The following HERC3 variants were observed in gnomAD, a reference collection of about 807,000 sequenced individuals.
HERC3 encodes HECT and RLD domain containing E3 ubiquitin protein ligase 3, also known as probable E3 ubiquitin-protein ligase HERC3.
A neutral mutation model predicts 129.9 loss-of-function variants in HERC3; 58 were observed. That is an observed-to-expected ratio of 0.45 (90% confidence interval 0.36 to 0.56). HERC3 has a LOEUF of 0.56. HERC3 is among the 20% of genes least tolerant of loss of function. HERC3 has a pLI of 0.00. For missense variants in HERC3, 835 were observed against 1,244.2 expected, an observed-to-expected ratio of 0.67 and a Z score of 4.95; for synonymous variants, 430 against 451.0, an observed-to-expected ratio of 0.95 and a Z score of 0.59.
intron 3 of HERC3, among the ~76,000 whole-genome samples, chr4:88,646,047 G>A (rs1373776740): frequency 6.6e-6 from 1 of 152,182 alleles, no homozygotes. Flanking sequence ...ATATAGCTTA[G>A]TTAAGTATAA....
intron 19 of HERC3, 31 bp from the exon 20 acceptor site, chr4:88,680,062 G>A (rs368207908): frequency 2.0e-5 from 31 of 1,575,802 alleles, no homozygotes; most frequent in East Asian, 6.8e-5. Context: ...TAGATTTCCC[G>A]GAAGCATTAA....
intron 23 of HERC3, among the ~76,000 whole-genome samples, chr4:88,692,688 G>A (rs1235639600): frequency 1.3e-5 from 2 of 152,192 alleles, no homozygotes; most frequent in Non-Finnish European, 2.9e-5. Context: ...TATTTTACAT[G>A]TAAGACTCCC....
intron 2 of HERC3, among the ~76,000 whole-genome samples, chr4:88,600,646 T>C (rs1037819169): frequency 1.3e-5 from 2 of 152,238 alleles, no homozygotes; most frequent in African/African-American, 2.4e-5. Context: ...CCATTGTATC[T>C]ATAGCTTCAT....
At chr4:88,622,219 A>T (rs770044124) in intron 3 of HERC3, among the ~76,000 whole-genome samples, 1 of 152,232 alleles carries the variant, frequency 6.6e-6, no homozygotes, top group Non-Finnish European at 1.5e-5. Context: ...TGAACATTTC[A>T]TGTAAATGAG....
the HERC3 span, among the ~76,000 whole-genome samples, chr4:88,534,924 A>T: frequency 6.6e-5 from 10 of 152,190 alleles, no homozygotes; most frequent in Admixed American, 2.0e-4. Flanking sequence ...ATTTTTTTGT[A>T]TTCAGATGAA....
chr4:88,644,432 G>C (rs1728474487), intron 3 of HERC3, among the ~76,000 whole-genome samples: 1 of 152,092 alleles, frequency 6.6e-6, no homozygotes, highest in Admixed American at 6.6e-5. Context: ...ACCAATAAAA[G>C]GAACAAACTG....
chr4:88,704,743 T>C (rs1009996161), intron 25 of HERC3, 133 bp downstream of exon 25: 2 of 629,648 alleles, frequency 3.2e-6, no homozygotes, highest in Non-Finnish European at 5.7e-6. Context: ...TATGTATGCT[T>C]TTTGTCTTAA....
At chr4:88,582,132 C>A in the HERC3 span, among the ~76,000 whole-genome samples, 1 of 152,094 alleles carries the variant, frequency 6.6e-6, no homozygotes, top group African/African-American at 2.4e-5. Context: ...GAATCTATCC[C>A]CTAAGCAATT....
At chr4:88,606,360 T>C (rs10018705) in intron 3 of HERC3, among the ~76,000 whole-genome samples, 7,911 of 152,020 alleles carry the variant, frequency 0.052, 557 homozygotes, top group East Asian at 0.27. Context: ...CAGGCAATTT[T>C]CATGCCTCAG....
chr4:88,675,275 T>G (rs561656063), intron 16 of HERC3, among the ~76,000 whole-genome samples: 1 of 152,354 alleles, frequency 6.6e-6, no homozygotes, highest in Non-Finnish European at 1.5e-5. Flanking sequence ...TAGGTGCAGA[T>G]GGAGCATCCA....
At chr4:88,566,642 T>C in the HERC3 span, among the ~76,000 whole-genome samples, 1 of 152,234 alleles carries the variant, frequency 6.6e-6, no homozygotes, top group African/African-American at 2.4e-5. Flanking sequence ...TCTCTCCTAC[T>C]GAAGAACTCC....
chr4:88,526,872 T>G, the HERC3 span, among the ~76,000 whole-genome samples: 1 of 152,210 alleles, frequency 6.6e-6, no homozygotes, highest in African/African-American at 2.4e-5. Context: ...AAAGTCCTAT[T>G]AATAAATTTT....
chr4:88,551,084 G>T, the HERC3 span, among the ~76,000 whole-genome samples: 5 of 149,260 alleles, frequency 3.3e-5, no homozygotes, highest in Non-Finnish European at 1.5e-5. Flanking sequence ...CTAGCCATAT[G>T]TAGAAAGCTG....
At chr4:88,635,564 G>C (rs1460419064) in intron 3 of HERC3, among the ~76,000 whole-genome samples, 3 of 152,144 alleles carry the variant, frequency 2.0e-5, no homozygotes, top group Non-Finnish European at 4.4e-5. Context: ...ATGGAACCAA[G>C]TTGGAAAACA....
At chr4:88,679,658 C>T (rs367761980) in intron 19 of HERC3, among the ~76,000 whole-genome samples, 14 of 152,000 alleles carry the variant, frequency 9.2e-5, no homozygotes, top group East Asian at 5.9e-4. Flanking sequence ...TAGTGGATTA[C>T]AGGTGCCCAC....
rs1000572090 is a variant in HERC3, at chr4:88,618,157, G to A, written c.226+12108G>A. 3.3e-5 allele frequency among the ~76,000 whole-genome samples: 5 copies of A among 152,316 alleles called. No individual in the cohort carries two copies. In the South Asian group the frequency reaches 1.0e-3, roughly 32 times the overall value. On this transcript the variant is annotated intron_variant, in intron 3 of 25. Transcript: ENST00000402738. ...AAGAAGGCTGAACTAATTATGGAAT[G>A]TTTTTATTTTCTTTGAGGTGCTATG... is the stretch of plus-strand genomic sequence containing the variant.
chr4:88,639,958 G>A (rs1249479311), intron 3 of HERC3, among the ~76,000 whole-genome samples: 2 of 151,964 alleles, frequency 1.3e-5, no homozygotes, highest in African/African-American at 4.8e-5. Flanking sequence ...ACATTTATGC[G>A]GCCAACAAAC....
chr4:88,645,942 AAGTT>A (rs1333561231), intron 3 of HERC3, among the ~76,000 whole-genome samples: 1 of 152,170 alleles, frequency 6.6e-6, no homozygotes, highest in Non-Finnish European at 1.5e-5. Context: ...GATGAGGAAA[AAGTT>A]AGTTTTCCAT....
At chr4:88,699,214 C>G (rs1184180922) in intron 23 of HERC3, among the ~76,000 whole-genome samples, 1 of 87,650 alleles carries the variant, frequency 1.1e-5, no homozygotes, top group Non-Finnish European at 2.3e-5. Context: ...TCTTCCTCAC[C>G]CTCTTCACCC....
Sources: gnomAD v4.1 joint callset for allele counts (sites outside exome capture counted in the v4.1 genomes callset) on GRCh38, gnomAD v4.1.1 for gene constraint, MANE v1.5 for transcripts, NCBI Gene and HGNC (gene_info 2026-07-23, HGNC 2026-07-21) for gene names.